AGPS: variants seen among roughly 807,000 people sequenced by gnomAD.
AGPS encodes alkyldihydroxyacetonephosphate synthase, peroxisomal.
In AGPS, 26 loss-of-function variants were observed where a neutral mutation model predicts 90.7. The observed-to-expected ratio is 0.29, with a 90% CI of 0.21 to 0.40. AGPS has a LOEUF of 0.40. AGPS is among the 10% of genes least tolerant of loss of function. The probability of loss-of-function intolerance (pLI) is 1.00; values close to 1 mark genes in which losing one functional copy is unlikely to be tolerated. For synonymous variants in AGPS, 294 were observed against 285.3 expected, an observed-to-expected ratio of 1.03 and a Z score of -0.31; for missense variants, 540 against 816.1, an observed-to-expected ratio of 0.66 and a Z score of 4.12.
chr2:177,407,112 G>A (rs1685488386), intron 1 of AGPS, among the ~76,000 whole-genome samples: 1 of 152,158 alleles, frequency 6.6e-6, no homozygotes, highest in South Asian at 2.1e-4. Context: ...CTGGGGACAA[G>A]TTACTGAATC....
chr2:177,455,648 G>A (rs1019753605), intron 8 of AGPS, among the ~76,000 whole-genome samples: 8 of 151,906 alleles, frequency 5.3e-5, no homozygotes, highest in African/African-American at 1.9e-4. Flanking sequence ...GTAAATCCTA[G>A]CTCCTTTAAC....
intron 5 of AGPS, among the ~76,000 whole-genome samples, chr2:177,439,015 T>C (rs1686511262): frequency 6.6e-6 from 1 of 150,906 alleles, no homozygotes; most frequent in Non-Finnish European, 1.5e-5. Context: ...ACTGGAAATC[T>C]GTTGTAGTTG....
intron 14 of AGPS, among the ~76,000 whole-genome samples, chr2:177,502,700 G>C (rs1396362384): frequency 6.6e-6 from 1 of 151,960 alleles, no homozygotes; most frequent in Non-Finnish European, 1.5e-5. Flanking sequence ...CAAAGTGCTG[G>C]GGTTACAGGC....
At chr2:177,524,694 G>C (rs761436328) in intron 19 of AGPS, among the ~76,000 whole-genome samples, 1 of 151,464 alleles carries the variant, frequency 6.6e-6, no homozygotes, top group Non-Finnish European at 1.5e-5. Flanking sequence ...CTGTATATTT[G>C]TACTTTTTAA....
chr2:177,433,830 T>C (rs181403923), intron 2 of AGPS, among the ~76,000 whole-genome samples: 182 of 152,254 alleles, frequency 1.2e-3, no homozygotes, highest in Non-Finnish European at 2.1e-3. Context: ...ATTCTATACA[T>C]GCTATTCAGA....
intron 1 of AGPS, among the ~76,000 whole-genome samples, chr2:177,407,292 G>C (rs1685494476): frequency 6.6e-6 from 1 of 152,164 alleles, no homozygotes; most frequent in Admixed American, 6.5e-5. Context: ...AGAATAGAGT[G>C]CTAAAATAGT....
Position 177,420,363 on chromosome 2 carries a change from C to T in AGPS, c.350+5C>T. ...AATTGAATTGACTGGGAAAAGGTAA[C>T]CCTGGTTTATTTCTTCTTTTGTTCC... On this transcript the variant is annotated splice_donor_5th_base_variant and intron_variant, in intron 2 of 19. Transcript: ENST00000264167. The T allele has an allele frequency of 6.3e-7, 1 of 1,591,978 alleles. No individual in the cohort carries two copies. Among genetic ancestry groups the T allele is most frequent in the Non-Finnish European group, 8.6e-7 (1 of 1,160,786 alleles).
intron 2 of AGPS, among the ~76,000 whole-genome samples, chr2:177,421,407 G>A (rs1351284260): frequency 2.6e-5 from 4 of 151,914 alleles, no homozygotes; most frequent in Non-Finnish European, 5.9e-5. Flanking sequence ...CTTTGGAGAA[G>A]TTATTTATTT....
intron 1 of AGPS, among the ~76,000 whole-genome samples, chr2:177,398,490 A>C (rs1020669689): frequency 6.6e-6 from 1 of 152,180 alleles, no homozygotes; most frequent in African/African-American, 2.4e-5. Context: ...GCATTTGTGA[A>C]ATGAAAGAGA....
At position 177,542,044 on chromosome 2, in the gene AGPS, T is replaced by TC. The variant is rs1040452709; in HGVS notation, c.*3849_*3850insC. On this transcript the variant is annotated 3_prime_UTR_variant, in exon 20 of 20. Coordinates refer to ENST00000264167, the MANE Select transcript of AGPS (RefSeq NM_003659.4). Reference sequence around the variant, plus strand: ...ATAAAATGGACCTGGGTCTAATATTTTTTTTCTTCAAAGGGAGTGTGAAGC... The same window carrying TC: ...ATAAAATGGACCTGGGTCTAATATTTCTTTTTCTTCAAAGGGAGTGTGAAGC... 1 of 151,652 alleles carries TC rather than the reference T, an allele frequency of 6.6e-6. No individual in the cohort carries two copies. Among genetic ancestry groups the TC allele is most frequent in the Non-Finnish European group, 1.5e-5 (1 of 67,866 alleles). The allele number at this position is 151,652 out of a possible 1,614,324, so 9.4% of individuals were successfully genotyped here.
intron 8 of AGPS, among the ~76,000 whole-genome samples, chr2:177,458,728 C>G (rs1687195887): frequency 6.6e-6 from 1 of 152,102 alleles, no homozygotes; most frequent in Non-Finnish European, 1.5e-5. Flanking sequence ...AGAATCAATA[C>G]TATGAAAATG....
chr2:177,444,388 TC>T (rs1165599010), intron 7 of AGPS, among the ~76,000 whole-genome samples: 3 of 131,836 alleles, frequency 2.3e-5, no homozygotes, highest in Non-Finnish European at 4.6e-5. Flanking sequence ...GCCACTGCAC[TC>T]CAGCCTGGGT....
chr2:177,480,167 C>T (rs562420384), intron 10 of AGPS, among the ~76,000 whole-genome samples: 35 of 152,136 alleles, frequency 2.3e-4, no homozygotes, highest in African/African-American at 8.0e-4. Flanking sequence ...GCAACAAGAG[C>T]GAAACTCCAT....
At chr2:177,409,081 G>C (rs1196091633) in intron 1 of AGPS, among the ~76,000 whole-genome samples, 1 of 151,992 alleles carries the variant, frequency 6.6e-6, no homozygotes, top group Admixed American at 6.6e-5. Context: ...AAACTTTATG[G>C]GGTTCATTTT....
intron 8 of AGPS, among the ~76,000 whole-genome samples, chr2:177,449,842 A>C (rs1450789016): frequency 6.7e-6 from 1 of 150,276 alleles, no homozygotes; most frequent in Non-Finnish European, 1.5e-5. Context: ...TTATTTGCCC[A>C]ATTTTTTTTT....
intron 14 of AGPS, among the ~76,000 whole-genome samples, chr2:177,499,988 TAAAC>T (rs2105712363): frequency 6.6e-6 from 1 of 152,012 alleles, no homozygotes; most frequent in East Asian, 1.9e-4. Context: ...ATATTATTAT[TAAAC>T]ATTGTATTTT....
intron 19 of AGPS, among the ~76,000 whole-genome samples, chr2:177,534,717 G>A (rs901468017): frequency 6.6e-6 from 1 of 151,368 alleles, no homozygotes; most frequent in South Asian, 2.1e-4. Flanking sequence ...CTCCTGAGTA[G>A]CTGAGACTGC....
chr2:177,435,855 A>G (rs1686391910), intron 3 of AGPS, among the ~76,000 whole-genome samples: 1 of 152,204 alleles, frequency 6.6e-6, no homozygotes, highest in East Asian at 1.9e-4. Flanking sequence ...CACAAAAATT[A>G]TCACATTTAA....
At chr2:177,400,129 A>C (rs1234292303) in intron 1 of AGPS, among the ~76,000 whole-genome samples, 1 of 152,248 alleles carries the variant, frequency 6.6e-6, no homozygotes, top group Non-Finnish European at 1.5e-5. Context: ...AATAGTGTTT[A>C]AGAATTAATA....
Sources: gnomAD v4.1 joint callset for allele counts (sites outside exome capture counted in the v4.1 genomes callset) on GRCh38, gnomAD v4.1.1 for gene constraint, MANE v1.5 for transcripts, NCBI Gene and HGNC (gene_info 2026-07-23, HGNC 2026-07-21) for gene names.